SORL1: variants seen among roughly 807,000 people sequenced by gnomAD.
SORL1 encodes sortilin related receptor 1.
Under a neutral mutation model 273.7 loss-of-function variants are expected in SORL1, and 127 were observed. The ratio of observed to expected loss-of-function variants is 0.46; its 90% confidence interval spans 0.40 to 0.54. SORL1 has a LOEUF of 0.54. Among genes scored for constraint, SORL1 ranks in the 20% least tolerant of loss-of-function variants. The pLI is 0.00. For missense variants in SORL1, 2,494 were observed against 2,846.1 expected (o/e 0.88, Z 2.81); for synonymous variants, 1,031 against 1,067.4 (o/e 0.97, Z 0.66).
chr11:121,502,295 C>T (rs1466016967), intron 6 of SORL1, among the ~76,000 whole-genome samples: 1 of 151,786 alleles, frequency 6.6e-6, no homozygotes, highest in Non-Finnish European at 1.5e-5. Context: ...GCCGCCACAC[C>T]TGGCTAATTT....
At chr11:121,535,347 G>A (rs996584421) in intron 12 of SORL1, among the ~76,000 whole-genome samples, 2 of 152,232 alleles carry the variant, frequency 1.3e-5, no homozygotes, top group African/African-American at 4.8e-5. Flanking sequence ...TGGAACTTGA[G>A]CATATTTCTG....
intron 6 of SORL1, among the ~76,000 whole-genome samples, chr11:121,511,280 A>G (rs1325520078): frequency 2.6e-5 from 4 of 152,180 alleles, no homozygotes; most frequent in African/African-American, 9.7e-5. Flanking sequence ...CCCAGCAGCA[A>G]TCGTTAAGTA....
At chr11:121,620,405 T>G (rs377607221) in intron 43 of SORL1, among the ~76,000 whole-genome samples, 5 of 152,294 alleles carry the variant, frequency 3.3e-5, no homozygotes, top group Admixed American at 2.6e-4. Flanking sequence ...TTCTGACCCC[T>G]CTTTAAAAGG....
chr11:121,620,760 G>C (rs984347462), intron 43 of SORL1, among the ~76,000 whole-genome samples: 7 of 152,208 alleles, frequency 4.6e-5, no homozygotes, highest in African/African-American at 1.7e-4. Flanking sequence ...GTTGAGTACT[G>C]AGTTTGGATG....
Position 121,627,534 on chromosome 11 carries a change from G to A in SORL1, c.6365-21G>A. On this transcript the variant is annotated intron_variant, in intron 46 of 47. Transcript: ENST00000260197. This position sits in a 1 kb window ranked among gnomAD's most constrained non-coding sequence, Gnocchi z 4.9. ...CTCCTGCCCTCAGGTGGGCTTATTGGTGGGAACTTTGCCTTGGCAGGTGCA... is the reference window on the plus strand; with the variant it reads ...CTCCTGCCCTCAGGTGGGCTTATTGATGGGAACTTTGCCTTGGCAGGTGCA... 1 of 1,610,170 alleles carries A rather than the reference G, an allele frequency of 6.2e-7. No individual in the cohort carries two copies. Among genetic ancestry groups the A allele is most frequent in the Non-Finnish European group, 8.5e-7 (1 of 1,176,514 alleles).
intron 21 of SORL1, 109 bp downstream of exon 21, chr11:121,559,766 C>T: frequency 1.1e-6 from 1 of 899,922 alleles, no homozygotes; most frequent in Non-Finnish European, 1.7e-6. Context: ...TCTTTGTTGT[C>T]ACGACAACAT....
intron 20 of SORL1, 96 bp from the exon 21 acceptor site, chr11:121,559,423 G>T: frequency 7.8e-7 from 1 of 1,285,564 alleles, no homozygotes; most frequent in Non-Finnish European, 1.1e-6. Context: ...GCCAATAAAT[G>T]TTAGTTGTCT....
At chr11:121,555,511 T>C (rs1304076282) in intron 18 of SORL1, among the ~76,000 whole-genome samples, 193 bp downstream of exon 18, 1 of 152,230 alleles carries the variant, frequency 6.6e-6, no homozygotes, top group East Asian at 1.9e-4. Flanking sequence ...GTTGATCTTT[T>C]GGCTAGCAGA....
chr11:121,624,991 C>A, intron 45 of SORL1, 94 bp from the exon 46 acceptor site: 2 of 885,160 alleles, frequency 2.3e-6, no homozygotes, highest in South Asian at 1.8e-5. Context: ...TGTAGCAGCC[C>A]ACAGTGAGGA....
intron 3 of SORL1, among the ~76,000 whole-genome samples, chr11:121,487,151 C>T (rs1861486193): frequency 6.6e-6 from 1 of 152,226 alleles, no homozygotes; most frequent in Non-Finnish European, 1.5e-5. Context: ...CTGGTCATGG[C>T]TTCTCATTCA....
At chr11:121,463,553 T>C (rs1040537294) in intron 1 of SORL1, among the ~76,000 whole-genome samples, 6 of 152,370 alleles carry the variant, frequency 3.9e-5, no homozygotes, top group Middle Eastern at 3.4e-3. Flanking sequence ...TATGTGTATT[T>C]TTCTCTGTAG....
At chr11:121,489,738 T>C (rs755296140) in intron 4 of SORL1, among the ~76,000 whole-genome samples, 4 of 152,276 alleles carry the variant, frequency 2.6e-5, no homozygotes, top group Non-Finnish European at 2.9e-5. Context: ...AATCATCCTT[T>C]GGTTTTTACC....
rs770873053 is a variant in SORL1, at chr11:121,605,124, G to A, written c.4663G>A (p.Val1555Met). The change falls in exon 34 of 48, where the codon GTG (valine) becomes ATG (methionine). Residue 1555 changes from valine to methionine, a missense_variant. This residue lies in a region of SORL1 where 1,609 missense variants were observed against 1,816.4 expected (regional missense o/e 0.89). Transcript: ENST00000260197. ...CTTTATCTCTCTAGATGAGTTGACTGTGTACAAAGTACAGAATCTTCAGTG... is the reference window on the plus strand; with the variant it reads ...CTTTATCTCTCTAGATGAGTTGACTATGTACAAAGTACAGAATCTTCAGTG... ...DEKACSDELTVYKVQNLQWTA... is the reference protein window; with the variant it reads ...DEKACSDELTMYKVQNLQWTA... 2.5e-6 allele frequency: 4 copies of A among 1,611,196 alleles called. No individual in the cohort carries two copies. Among genetic ancestry groups the A allele is most frequent in the Middle Eastern group, 1.6e-4 (1 of 6,072 alleles).
chr11:121,533,510 T>G (rs370646075), intron 12 of SORL1, among the ~76,000 whole-genome samples: 5 of 152,222 alleles, frequency 3.3e-5, no homozygotes, highest in African/African-American at 1.2e-4. Flanking sequence ...TACCTTTGGC[T>G]CGTTTCTGAA....
At chr11:121,532,866 T>C (rs1862221743) in intron 12 of SORL1, among the ~76,000 whole-genome samples, 1 of 152,018 alleles carries the variant, frequency 6.6e-6, no homozygotes, top group East Asian at 1.9e-4. Flanking sequence ...GTAATTTTAG[T>C]AGAGACACGG....
intron 11 of SORL1, among the ~76,000 whole-genome samples, chr11:121,530,677 C>T (rs1029844566): frequency 6.6e-6 from 1 of 151,988 alleles, no homozygotes; most frequent in African/African-American, 2.4e-5. Context: ...TTATATCTTT[C>T]AACAAATTTG....
intron 13 of SORL1, 33 bp from the exon 14 acceptor site, chr11:121,545,210 C>G (rs774866545): frequency 8.1e-6 from 13 of 1,610,922 alleles, no homozygotes; most frequent in South Asian, 2.2e-5. Context: ...GGGCCTGCCT[C>G]TAATGCTTCG....
At position 121,543,559 on chromosome 11, in the gene SORL1, A is replaced by T; in HGVS notation, c.1697A>T (p.Asn566Ile). ...TTGCATTTGGGCAGATACAGTACCA[A>T]TGAAGGGGAGACCTGGAAAACATTC... ...METNELKYST[N>I]EGETWKTFIF... is the part of the protein sequence containing the mutation. The change falls in exon 13 of 48, where the codon AAT (asparagine) becomes ATT (isoleucine). Residue 566 changes from asparagine to isoleucine, a missense_variant. Asn to Ile is a moderately radical substitution (Grantham distance 149). Transcript: ENST00000260197. 1 of 1,613,940 alleles carries T rather than the reference A, an allele frequency of 6.2e-7. No individual in the cohort carries two copies. The highest frequency in any genetic ancestry group is 8.5e-7 in the Non-Finnish European group (1 of 1,179,812).
At chr11:121,458,623 C>G (rs868539256) in intron 1 of SORL1, among the ~76,000 whole-genome samples, 1 of 152,172 alleles carries the variant, frequency 6.6e-6, no homozygotes, top group Non-Finnish European at 1.5e-5. Context: ...TAGCCACGTA[C>G]ATGCAAAAAT....
Sources: gnomAD v4.1 joint callset for allele counts (sites outside exome capture counted in the v4.1 genomes callset) on GRCh38, gnomAD v4.1.1 for gene constraint, gnomAD v4.1.1 regional missense constraint, Gnocchi (gnomAD v3.1) non-coding constraint, MANE v1.5 for transcripts, NCBI Gene and HGNC (gene_info 2026-07-23, HGNC 2026-07-21) for gene names.